ABHD2: variants seen among roughly 807,000 people sequenced by gnomAD.
The protein encoded by ABHD2 is monoacylglycerol lipase ABHD2.
A neutral mutation model predicts 48.1 loss-of-function variants in ABHD2; 20 were observed. That is an observed-to-expected ratio of 0.42 (90% CI 0.29 to 0.60). The LOEUF is 0.60. ABHD2 is among the 20% of genes least tolerant of loss of function. The pLI is 0.24. For synonymous variants in ABHD2, 209 were observed against 214.2 expected, an observed-to-expected ratio of 0.98 and a Z score of 0.21; for missense variants, 405 against 550.9, an observed-to-expected ratio of 0.74 and a Z score of 2.65.
the ABHD2 span, among the ~76,000 whole-genome samples, chr15:89,049,453 G>C: frequency 1.2e-3 from 185 of 152,350 alleles, no homozygotes; most frequent in Admixed American, 1.8e-3. Context: ...TTTACCTAAG[G>C]AAGCCTGGGC....
intron 8 of ABHD2, among the ~76,000 whole-genome samples, 153 bp from the exon 9 acceptor site, chr15:89,190,927 C>T (rs997180288): frequency 1.3e-5 from 2 of 152,228 alleles, no homozygotes; most frequent in Admixed American, 1.3e-4. Flanking sequence ...GTCATAAAAT[C>T]AGCTCAGCAT....
At chr15:89,043,878 C>G in the ABHD2 span, among the ~76,000 whole-genome samples, 1 of 129,320 alleles carries the variant, frequency 7.7e-6, no homozygotes, top group Non-Finnish European at 1.8e-5. Context: ...GTATTTTTCT[C>G]TTTTCTTTTT....
chr15:89,117,354 G>A lies in ABHD2; in HGVS notation c.194+833G>A, dbSNP rs184907598. Among the ~76,000 whole-genome samples the A allele has an allele frequency of 1.6e-3, 240 of 152,344 alleles. 1 individual carries two copies. The highest frequency in any genetic ancestry group is 4.0e-3 in the Admixed American group (62 of 15,310). ...GATCTGTATTTTGGAGGCAGCAGGG[G>A]CGGGCTCTGCTTCTGACAGAGGAAA... On this transcript the variant is annotated intron_variant, in intron 3 of 10. Coordinates refer to ENST00000352732, the MANE Select transcript of ABHD2 (RefSeq NM_152924.5).
the ABHD2 span, among the ~76,000 whole-genome samples, chr15:89,081,421 T>G: frequency 6.6e-6 from 1 of 152,154 alleles, no homozygotes; most frequent in Non-Finnish European, 1.5e-5. Context: ...TTCCCCCTTT[T>G]GGCCATTATG....
At position 89,116,442 on chromosome 15, in the gene ABHD2, A is replaced by G; in HGVS notation, c.115A>G (p.Thr39Ala). 1 of 1,614,208 alleles carries G rather than the reference A, an allele frequency of 6.2e-7. No homozygotes were observed. The highest frequency in any genetic ancestry group is 2.2e-5 in the East Asian group (1 of 44,888). ...CCGGTGTTTGAACCTGAAGAGCCCC[A>G]CAGCCCCACCTGACCTCTACTTCCA... Reference protein sequence around the residue: ...IVRCLNLKSPTAPPDLYFQDS... With the variant: ...IVRCLNLKSPAAPPDLYFQDS... The change falls in exon 3 of 11, where the codon ACA (threonine) becomes GCA (alanine). Residue 39 changes from threonine (T) to alanine (A), a missense_variant. Transcript: ENST00000352732. The surrounding 1 kb of genome is among the most constrained non-coding windows in gnomAD (Gnocchi z 4.6).
At position 89,155,814 on chromosome 15, in the gene ABHD2, A is replaced by G. The variant is rs112594092; in HGVS notation, c.538+280A>G. On this transcript the variant is annotated intron_variant, in intron 5 of 10. Transcript: ENST00000352732. This position sits in a 1 kb window ranked among gnomAD's most constrained non-coding sequence, Gnocchi z 4.9. ...TCCCCTAGCTAGTAAGAGTCACAGC[A>G]GGGCTGGGAGCCAGGTAGATCGGGT... Among the ~76,000 whole-genome samples, 758 of 152,284 alleles carry G rather than the reference A, an allele frequency of 5.0e-3. 7 individuals carry two copies. Among genetic ancestry groups the G allele is most frequent in the African/African-American group, 0.017 (713 of 41,566 alleles).
chr15:89,085,777 A>C (rs954859625), upstream of ABHD2, among the ~76,000 whole-genome samples: 6 of 152,224 alleles, frequency 3.9e-5, no homozygotes, highest in African/African-American at 1.4e-4. This position sits in a 1 kb window ranked among gnomAD's most constrained non-coding sequence, Gnocchi z 4.2. Flanking sequence ...CTCTGAATCA[A>C]GTTGGAGAAA....
In ABHD2 at chr15:89,155,826, C is replaced by G. The variant is rs773096194; in HGVS notation, c.538+292C>G. On this transcript the variant is annotated intron_variant, in intron 5 of 10. Transcript: ENST00000352732. The surrounding 1 kb of genome is among the most constrained non-coding windows in gnomAD (Gnocchi z 4.9). ...TAAGAGTCACAGCAGGGCTGGGAGC[C>G]AGGTAGATCGGGTAGCAGAGCTCAT... 2.6e-5 allele frequency among the ~76,000 whole-genome samples: 4 copies of G among 152,132 alleles called. No individual in the cohort carries two copies. Among genetic ancestry groups the G allele is most frequent in the Non-Finnish European group, 5.9e-5 (4 of 68,026 alleles).
rs1027265574 is a variant in ABHD2 at position 89,184,036 on chromosome 15, G to T, written c.723-1388G>T. Among the ~76,000 whole-genome samples, 2 of 152,160 alleles carry T rather than the reference G, an allele frequency of 1.3e-5. No individual in the cohort carries two copies. Among genetic ancestry groups the T allele is most frequent in the African/African-American group, 2.4e-5 (1 of 41,432 alleles). ...ATACTCTTCCTGTAGTGCTTGGTTA[G>T]AGTCGGGCGGGGGTTGGCTGCACAT... On this transcript the variant is annotated intron_variant, in intron 6 of 10. Coordinates refer to ENST00000352732, the MANE Select transcript of ABHD2 (RefSeq NM_152924.5). The surrounding 1 kb of genome is among the most constrained non-coding windows in gnomAD (Gnocchi z 5.1).
At chr15:89,136,092 AT>A (rs35713906) in intron 3 of ABHD2, 7,857 of 167,074 alleles carry the variant, frequency 0.047, 336 homozygotes, top group African/African-American at 0.14. Flanking sequence ...ATGCCTGGCA[AT>A]TTTTTTTTTT....
intron 1 of ABHD2, among the ~76,000 whole-genome samples, chr15:89,101,974 C>T (rs1203336708): frequency 6.6e-6 from 1 of 152,178 alleles, no homozygotes; most frequent in African/African-American, 2.4e-5. Context: ...CAGCCCTATG[C>T]GCACAGCCAA....
intron 1 of ABHD2, among the ~76,000 whole-genome samples, chr15:89,093,308 G>C (rs1901675134): frequency 6.7e-6 from 1 of 149,500 alleles, no homozygotes; most frequent in Admixed American, 6.8e-5. Context: ...AGCCTCTCAA[G>C]TAGCTGGGAT....
rs1274412473 is a variant in ABHD2, at chr15:89,177,997, G to C, written c.722+2002G>C. On this transcript the variant is annotated intron_variant, in intron 6 of 10. Transcript: ENST00000352732. This position sits in a 1 kb window ranked among gnomAD's most constrained non-coding sequence, Gnocchi z 5.6. ...TTGAACTAAGGCAAAGAAGGCTCAA[G>C]AAGCTAGAAAACTAAAATCTGTGAG... 6.6e-6 allele frequency among the ~76,000 whole-genome samples: 1 copy of C among 152,224 alleles called. No homozygotes were observed. Among genetic ancestry groups the C allele is most frequent in the Non-Finnish European group, 1.5e-5 (1 of 68,042 alleles).
At chr15:89,068,840 C>G in the ABHD2 span, among the ~76,000 whole-genome samples, 1 of 131,728 alleles carries the variant, frequency 7.6e-6, no homozygotes, top group Non-Finnish European at 1.5e-5. Flanking sequence ...TAGATCTTAG[C>G]TCACTGCAAC....
chr15:89,048,726 C>T, the ABHD2 span, among the ~76,000 whole-genome samples: 3 of 151,980 alleles, frequency 2.0e-5, no homozygotes, highest in African/African-American at 2.4e-5. Context: ...ACGTAGTTCT[C>T]GAGCCTTGGT....
rs2051029323 is a variant in ABHD2, at chr15:89,177,215, T to C, written c.722+1220T>C. On this transcript the variant is annotated intron_variant, in intron 6 of 10. Coordinates refer to ENST00000352732, the MANE Select transcript of ABHD2 (RefSeq NM_152924.5). This position sits in a 1 kb window ranked among gnomAD's most constrained non-coding sequence, Gnocchi z 5.6. ...ATGATGATAAGCAGTACCTACCTCA[T>C]AGCACCGCTGAGAGTCAAATGAGTT... is the stretch of plus-strand genomic sequence containing the variant. Among the ~76,000 whole-genome samples, 1 of 152,222 alleles carries C rather than the reference T, an allele frequency of 6.6e-6. No homozygotes were observed. The highest frequency in any genetic ancestry group is 2.4e-5 in the African/African-American group (1 of 41,446).
At chr15:89,159,287 G>C (rs895100173) in intron 5 of ABHD2, among the ~76,000 whole-genome samples, 25 of 152,076 alleles carry the variant, frequency 1.6e-4, no homozygotes, top group African/African-American at 5.8e-4. Context: ...TGAGGCAGGA[G>C]AATCACTTGA....
upstream of ABHD2, among the ~76,000 whole-genome samples, chr15:89,085,635 G>C (rs934991998): frequency 3.3e-5 from 5 of 152,142 alleles, no homozygotes; most frequent in Admixed American, 2.6e-4. This position sits in a 1 kb window ranked among gnomAD's most constrained non-coding sequence, Gnocchi z 4.2. Context: ...TTGTGTTTTA[G>C]AATTCCTGAA....
In ABHD2 at chr15:89,188,350, G is replaced by C. The variant is rs765275609; in HGVS notation, c.926+47G>C. The C allele has an allele frequency of 6.4e-7, 1 of 1,560,150 alleles. No individual in the cohort carries two copies. Among genetic ancestry groups the C allele is most frequent in the African/African-American group, 1.4e-5 (1 of 73,922 alleles). On this transcript the variant is annotated intron_variant, in intron 8 of 10. Coordinates refer to ENST00000352732, the MANE Select transcript of ABHD2 (RefSeq NM_152924.5). The surrounding 1 kb of genome is among the most constrained non-coding windows in gnomAD (Gnocchi z 4.1). ...AGGGACGCTCTGGGGCAGGGTGCCA[G>C]GCAGGAGGCTGCAGGTCAGCTGTGC...
Sources: gnomAD v4.1 joint callset for allele counts (sites outside exome capture counted in the v4.1 genomes callset) on GRCh38, gnomAD v4.1.1 for gene constraint, Gnocchi (gnomAD v3.1) non-coding constraint, MANE v1.5 for transcripts, NCBI Gene and HGNC (gene_info 2026-07-23, HGNC 2026-07-21) for gene names.